Variants in WDFY4 observed in about 807,000 individuals in gnomAD.
The protein encoded by WDFY4 is WD repeat- and FYVE domain-containing protein 4.
In WDFY4, 169 loss-of-function variants were observed where a neutral mutation model predicts 351.9. The observed-to-expected ratio is 0.48, with a 90% CI of 0.42 to 0.55. WDFY4 has a LOEUF of 0.55. Among genes scored for constraint, WDFY4 ranks in the 20% least tolerant of loss-of-function variants. The probability of loss-of-function intolerance (pLI) is 0.00; values close to 1 mark genes in which losing one functional copy is unlikely to be tolerated. For missense variants in WDFY4, 3,803 were observed against 3,935.6 expected (o/e 0.97, Z 0.90); for synonymous variants, 1,622 against 1,574.6 (o/e 1.03, Z -0.71).
intron 48 of WDFY4, among the ~76,000 whole-genome samples, chr10:48,942,231 C>T (rs1190879266): frequency 6.6e-6 from 1 of 152,214 alleles, no homozygotes; most frequent in Non-Finnish European, 1.5e-5. Context: ...ACCCAAAGGG[C>T]TGAGATTACA....
Position 48,830,853 on chromosome 10 carries a change from A to G in WDFY4, c.6494A>G (p.Glu2165Gly). 1 of 1,551,590 alleles carries G rather than the reference A, an allele frequency of 6.4e-7. No individual in the cohort carries two copies. Among genetic ancestry groups the G allele is most frequent in the Non-Finnish European group, 8.7e-7 (1 of 1,146,942 alleles). Residue 2165 changes from glutamate (E) to glycine (G), a missense_variant, in exon 38 of 62, where the codon GAG becomes GGG. This residue lies in a region of WDFY4 where 3,054 missense variants were observed against 3,148.6 expected (regional missense o/e 0.97). Coordinates refer to ENST00000325239, the MANE Select transcript of WDFY4 (RefSeq NM_001394531.1). Reference protein sequence around the residue: ...KIEEVTPLWEETMLKAWQHYL... With the variant: ...KIEEVTPLWEGTMLKAWQHYL... ...GAAGAGGTCACACCGCTCTGGGAGG[A>G]GACGATGCTCAAGGCCTGGCAGCAT...
chr10:48,897,386 G>T, intron 44 of WDFY4, 68 bp from the exon 45 acceptor site: 2 of 1,522,042 alleles, frequency 1.3e-6, no homozygotes, highest in South Asian at 1.2e-5. Flanking sequence ...GCAGGAAGAA[G>T]AAGAAGCCTG....
intron 39 of WDFY4, among the ~76,000 whole-genome samples, chr10:48,846,764 A>C (rs1291050299): frequency 6.6e-6 from 1 of 152,212 alleles, no homozygotes. Context: ...GCTGTGCAGC[A>C]TCCTAGAGCT....
intron 43 of WDFY4, among the ~76,000 whole-genome samples, chr10:48,888,524 C>G (rs1028124933): frequency 1.3e-5 from 2 of 152,048 alleles, no homozygotes; most frequent in African/African-American, 2.4e-5. Flanking sequence ...GCCATCTCCA[C>G]CCAGCAGTCA....
intron 34 of WDFY4, 47 bp from the exon 35 acceptor site, chr10:48,822,333 A>G (rs1243124524): frequency 6.7e-7 from 1 of 1,482,428 alleles, no homozygotes; most frequent in African/African-American, 1.4e-5. Flanking sequence ...TGTCATGGAC[A>G]GAAGTCCATT....
intron 2 of WDFY4, among the ~76,000 whole-genome samples, chr10:48,710,801 C>A (rs1326599524): frequency 6.6e-6 from 1 of 152,236 alleles, no homozygotes; most frequent in South Asian, 2.1e-4. Flanking sequence ...AGGAAACCAG[C>A]GCATCTACTG....
intron 5 of WDFY4, among the ~76,000 whole-genome samples, chr10:48,724,380 T>C (rs2064195472): frequency 6.6e-6 from 1 of 152,146 alleles, no homozygotes; most frequent in Admixed American, 6.5e-5. Flanking sequence ...CCATTCCTCA[T>C]TTCCAGAGGG....
chr10:48,823,298 T>A (rs917410485), intron 35 of WDFY4: 20 of 1,285,320 alleles, frequency 1.6e-5, no homozygotes, highest in Non-Finnish European at 1.1e-5. Context: ...CCCAGGGGGA[T>A]GTCTGTGATT....
In WDFY4 at chr10:48,894,846, G is replaced by A. The variant is rs145433579; in HGVS notation, c.7317-2608G>A. 5.3e-3 allele frequency among the ~76,000 whole-genome samples: 808 copies of A among 152,358 alleles called. 5 individuals carry two copies. The highest frequency in any genetic ancestry group is 0.019 in the African/African-American group (782 of 41,580). On this transcript the variant is annotated intron_variant, in intron 44 of 61. Coordinates refer to ENST00000325239, the MANE Select transcript of WDFY4 (RefSeq NM_001394531.1). ...GCTAGACCTAAGCCAAAGGTAGGAA[G>A]GAGAATTGTCTCTGTGGCCTTACTG...
chr10:48,759,242 A>G (rs577898108), intron 12 of WDFY4, among the ~76,000 whole-genome samples: 1 of 152,190 alleles, frequency 6.6e-6, no homozygotes, highest in Non-Finnish European at 1.5e-5. Context: ...ATGCACATAC[A>G]CAGTCAGAAC....
chr10:48,790,118 T>G (rs939344228), intron 22 of WDFY4, 133 bp downstream of exon 22: 7 of 821,284 alleles, frequency 8.5e-6, no homozygotes, highest in Middle Eastern at 6.3e-4. Context: ...AGGACCAGAG[T>G]TGGGAGTGAA....
Position 48,828,875 on chromosome 10 carries a change from G to A in WDFY4, c.6319G>A (p.Asp2107Asn). ...TGAAGACGTGAAAGAAAAAAGAGAA[G>A]ACTTACCAAGTTTGAGTGATGGTAC... is the stretch of plus-strand genomic sequence containing the variant. ...PNEDVKEKREDLPSLSDVQHN... is the reference protein window; with the variant it reads ...PNEDVKEKRENLPSLSDVQHN... Residue 2107 changes from aspartate to asparagine, a missense_variant, in exon 37 of 62, where the codon GAC (aspartate) becomes AAC (asparagine). By Grantham distance (23) the Asp-to-Asn change is conservative. Transcript: ENST00000325239. 1.5e-6 allele frequency: 2 copies of A among 1,338,408 alleles called. No individual in the cohort carries two copies. The highest frequency in any genetic ancestry group is 2.0e-6 in the Non-Finnish European group (2 of 1,022,712). The allele number at this position is 1,338,408 out of a possible 1,614,324, so 82.9% of individuals were successfully genotyped here.
At chr10:48,831,345 A>G (rs939783618) in intron 38 of WDFY4, among the ~76,000 whole-genome samples, 2 of 152,214 alleles carry the variant, frequency 1.3e-5, no homozygotes, top group Non-Finnish European at 2.9e-5. Flanking sequence ...TGACCTCAAC[A>G]TTTTTATCAT....
At chr10:48,705,347 G>A (rs1025843672) in intron 1 of WDFY4, among the ~76,000 whole-genome samples, 5 of 152,144 alleles carry the variant, frequency 3.3e-5, no homozygotes, top group African/African-American at 1.2e-4. Context: ...CTTGTGAGGA[G>A]GTGAGTGCCT....
rs570247892 is a variant in WDFY4, at chr10:48,816,073, G to A, written c.5341-1172G>A. 3.3e-5 allele frequency among the ~76,000 whole-genome samples: 5 copies of A among 152,082 alleles called. No individual in the cohort carries two copies. The East Asian group carries it at 9.6e-4, about 29-fold the overall frequency. Reference sequence around the variant, plus strand: ...GTCCCATTATTATTGGCTTGTTTAGGCTTTTAAATGTCTTCTTGACCTAGT... The same window carrying A: ...GTCCCATTATTATTGGCTTGTTTAGACTTTTAAATGTCTTCTTGACCTAGT... On this transcript the variant is annotated intron_variant, in intron 31 of 61. Coordinates refer to ENST00000325239, the MANE Select transcript of WDFY4 (RefSeq NM_001394531.1).
At chr10:48,860,091 G>A (rs2133218616) in intron 39 of WDFY4, among the ~76,000 whole-genome samples, 1 of 152,178 alleles carries the variant, frequency 6.6e-6, no homozygotes, top group African/African-American at 2.4e-5. Context: ...TTTCATCTAT[G>A]TTAGTGTTTC....
At chr10:48,864,756 A>G (rs1305739421) in intron 39 of WDFY4, among the ~76,000 whole-genome samples, 2 of 152,214 alleles carry the variant, frequency 1.3e-5, no homozygotes, top group East Asian at 1.9e-4. Flanking sequence ...GTGATATTTT[A>G]TAGGTTTCAG....
chr10:48,729,423 T>A lies in WDFY4; in HGVS notation c.972-9T>A. On this transcript the variant is annotated splice_polypyrimidine_tract_variant and intron_variant, in intron 7 of 61. Coordinates refer to ENST00000325239, the MANE Select transcript of WDFY4 (RefSeq NM_001394531.1). ...AAGTACAGGGAGCTGGCCTCATCTG[T>A]TCCCCCAGGTATGATGGGCTGACCC... is the stretch of plus-strand genomic sequence containing the variant. The A allele has an allele frequency of 6.4e-7, 1 of 1,550,446 alleles. No homozygotes were observed. Among genetic ancestry groups the A allele is most frequent in the Non-Finnish European group, 8.7e-7 (1 of 1,146,952 alleles).
chr10:48,933,697 C>T (rs1008763595), intron 47 of WDFY4, among the ~76,000 whole-genome samples: 5 of 152,130 alleles, frequency 3.3e-5, no homozygotes, highest in African/African-American at 9.7e-5. Context: ...AGCTCAGAAA[C>T]TGAAAAATTG....
Sources: gnomAD v4.1 joint callset for allele counts (sites outside exome capture counted in the v4.1 genomes callset) on GRCh38, gnomAD v4.1.1 for gene constraint, gnomAD v4.1.1 regional missense constraint, MANE v1.5 for transcripts, NCBI Gene and HGNC (gene_info 2026-07-23, HGNC 2026-07-21) for gene names.